The following ALDH1L2 variants were observed in gnomAD, a reference collection of about 807,000 sequenced individuals.
ALDH1L2 encodes aldehyde dehydrogenase 1 family member L2.
A neutral mutation model predicts 111.0 loss-of-function variants in ALDH1L2; 91 were observed. The ratio of observed to expected loss-of-function variants is 0.82; its 90% confidence interval spans 0.69 to 0.98. The LOEUF (loss-of-function observed/expected upper bound fraction) is 0.98, where lower values mean the gene tolerates loss of function less well. Among genes scored for constraint, ALDH1L2 ranks in the 50% least tolerant of loss-of-function variants. The pLI is 0.00. For synonymous variants in ALDH1L2, 374 were observed against 392.6 expected (o/e 0.95, Z 0.56); for missense variants, 995 against 1,126.8 (o/e 0.88, Z 1.67).
At chr12:105,063,532 G>A (rs1877142739) in intron 6 of ALDH1L2, among the ~76,000 whole-genome samples, 1 of 152,186 alleles carries the variant, frequency 6.6e-6, no homozygotes, top group East Asian at 1.9e-4. Flanking sequence ...AATAGTCTGT[G>A]AATATGTCAC....
At chr12:105,042,388 T>C (rs11112332) in intron 15 of ALDH1L2, among the ~76,000 whole-genome samples, 56,062 of 152,050 alleles carry the variant, frequency 0.37, 10,593 homozygotes, top group South Asian at 0.53. Flanking sequence ...AATTAGAGTT[T>C]AATATGTATT....
In ALDH1L2 at chr12:105,030,683, T is replaced by A. The variant is rs79943730; in HGVS notation, c.2411-254A>T. Among the ~76,000 whole-genome samples the A allele has an allele frequency of 5.3e-3, 802 of 152,296 alleles. 24 individuals are homozygous for A. In the East Asian group the frequency reaches 0.093, roughly 18 times the overall value. On this transcript the variant is annotated intron_variant, in intron 20 of 22. Coordinates refer to ENST00000258494, the MANE Select transcript of ALDH1L2 (RefSeq NM_001034173.4). Reference sequence around the variant, plus strand: ...GGTAAAATAAATATCCATATTTTGCTGTATTTATCTTTTCCTCATTGAAAT... The same window carrying A: ...GGTAAAATAAATATCCATATTTTGCAGTATTTATCTTTTCCTCATTGAAAT...
chr12:105,083,056 GC>G (rs1291411431), intron 1 of ALDH1L2, among the ~76,000 whole-genome samples: 3 of 152,170 alleles, frequency 2.0e-5, no homozygotes. Context: ...TATGCCATTT[GC>G]CACCTGAGAT....
chr12:105,083,728 G>A (rs1452446507), intron 1 of ALDH1L2, among the ~76,000 whole-genome samples: 1 of 152,136 alleles, frequency 6.6e-6, no homozygotes, highest in African/African-American at 2.4e-5. Context: ...ATTTCTGGAG[G>A]AGCTGATGCA....
At chr12:105,047,282 T>G (rs771501666) in intron 13 of ALDH1L2, among the ~76,000 whole-genome samples, 2 of 152,182 alleles carry the variant, frequency 1.3e-5, no homozygotes, top group Non-Finnish European at 2.9e-5. Flanking sequence ...ATATTAATAA[T>G]GGGGACAGGA....
At chr12:105,027,167 G>A (rs952112806) in intron 21 of ALDH1L2, among the ~76,000 whole-genome samples, 6 of 152,176 alleles carry the variant, frequency 3.9e-5, no homozygotes, top group East Asian at 1.9e-4. Context: ...GAGCCACTGC[G>A]CCCAGCCTGA....
chr12:105,042,726 A>G (rs1875616404), intron 15 of ALDH1L2, among the ~76,000 whole-genome samples: 1 of 152,166 alleles, frequency 6.6e-6, no homozygotes, highest in Non-Finnish European at 1.5e-5. Flanking sequence ...AGATAATTTC[A>G]TTAGTCTCTA....
intron 4 of ALDH1L2, 60 bp downstream of exon 4, chr12:105,068,659 G>A: frequency 7.6e-7 from 1 of 1,320,174 alleles, no homozygotes; most frequent in Non-Finnish European, 9.8e-7. Flanking sequence ...CTTCATAAAA[G>A]AAAAAATATT....
chr12:105,031,980 AATG>A, intron 19 of ALDH1L2, 46 bp from the exon 20 acceptor site: 1 of 1,591,812 alleles, frequency 6.3e-7, no homozygotes, highest in Non-Finnish European at 8.6e-7. Context: ...TGTTAATAAT[AATG>A]GAGTTTCTAC....
At position 105,022,505 on chromosome 12, in the gene ALDH1L2, A is replaced by G. The variant is rs2136040318; in HGVS notation, c.*1919T>C. The G allele has an allele frequency of 6.6e-6, 1 of 152,376 alleles. No individual in the cohort carries two copies. The highest frequency in any genetic ancestry group is 2.1e-4 in the South Asian group (1 of 4,830). The allele number at this position is 152,376 out of a possible 1,614,324, so 9.4% of individuals were successfully genotyped here. ...CATGTTTTTGTCTGCCATTCCATCT[A>G]TCATTAAAATAATTTGATTAAATCA... On this transcript the variant is annotated 3_prime_UTR_variant, in exon 23 of 23. Coordinates refer to ENST00000258494, the MANE Select transcript of ALDH1L2 (RefSeq NM_001034173.4).
chr12:105,046,881 G>A lies in ALDH1L2; in HGVS notation c.1757+18C>T. On this transcript the variant is annotated intron_variant, in intron 14 of 22. Transcript: ENST00000258494. ...AACACAACTCATGATTCACTCAGAG[G>A]CACTCTCCTTATCTTACCCGAGTGG... is the stretch of plus-strand genomic sequence containing the variant. 2 of 1,613,610 alleles carry A rather than the reference G, an allele frequency of 1.2e-6. No homozygotes were observed. Among genetic ancestry groups the A allele is most frequent in the Non-Finnish European group, 1.7e-6 (2 of 1,179,582 alleles).
intron 4 of ALDH1L2, among the ~76,000 whole-genome samples, chr12:105,068,171 GA>G (rs1253401657): frequency 6.6e-6 from 1 of 151,340 alleles, no homozygotes; most frequent in African/African-American, 2.4e-5. Flanking sequence ...TACTAGCTCT[GA>G]AAAAAAATTA....
intron 7 of ALDH1L2, 111 bp from the exon 8 acceptor site, chr12:105,061,863 G>A: frequency 7.8e-7 from 1 of 1,274,950 alleles, no homozygotes; most frequent in Admixed American, 2.1e-5. Context: ...AAGTTTATTT[G>A]GAAAAATACA....
intron 20 of ALDH1L2, 59 bp from the exon 21 acceptor site, chr12:105,030,488 A>G: frequency 2.1e-6 from 3 of 1,407,364 alleles, no homozygotes; most frequent in Non-Finnish European, 3.0e-6. Flanking sequence ...TTCAATTAAT[A>G]GTCCTCTCAC....
chr12:105,025,790 G>A (rs893962774), intron 22 of ALDH1L2, among the ~76,000 whole-genome samples: 3 of 152,172 alleles, frequency 2.0e-5, no homozygotes, highest in East Asian at 1.9e-4. Context: ...CAGCCAGACC[G>A]CCTGCCTTTG....
At position 105,049,983 on chromosome 12, in the gene ALDH1L2, G is replaced by A. The variant is rs1227810819; in HGVS notation, c.1611C>T (p.Thr537=). ...TTCCAATGTGTGTCTTCAGGGCCAAGGTATAGACAGCCCCTGAATCAAGGG... is the reference window on the plus strand; with the variant it reads ...TTCCAATGTGTGTCTTCAGGGCCAAAGTATAGACAGCCCCTGAATCAAGGG... ...IEALDSGAVY[T]LALKTHIGMS... The change falls in exon 13 of 23, where the codon ACC becomes ACT. Residue 537 remains threonine, a synonymous_variant. Transcript: ENST00000258494. The A allele has an allele frequency of 1.2e-6, 2 of 1,612,792 alleles. No homozygotes were observed. The highest frequency in any genetic ancestry group is 1.3e-5 in the African/African-American group (1 of 74,864).
chr12:105,084,361 C>T (rs1878489101), intron 1 of ALDH1L2, 28 bp downstream of exon 1: 1 of 1,505,856 alleles, frequency 6.6e-7, no homozygotes. Flanking sequence ...AGGGTGACAG[C>T]CGGGACGCTC....
chr12:105,068,428 A>G (rs985173688), intron 4 of ALDH1L2, among the ~76,000 whole-genome samples: 7 of 152,160 alleles, frequency 4.6e-5, no homozygotes, highest in African/African-American at 1.4e-4. Context: ...ATTAATCATT[A>G]TAGGCAGGGT....
At chr12:105,038,256 TCTCTCACACA>T (rs1248431827) in intron 17 of ALDH1L2, 54 bp from the exon 18 acceptor site, 3 of 760,710 alleles carry the variant, frequency 3.9e-6, no homozygotes, top group East Asian at 3.0e-5. Context: ...TCTCTCTCTC[TCTCTCACACA>T]CACACACACA....
Sources: gnomAD v4.1 joint callset for allele counts (sites outside exome capture counted in the v4.1 genomes callset) on GRCh38, gnomAD v4.1.1 for gene constraint, MANE v1.5 for transcripts, NCBI Gene and HGNC (gene_info 2026-07-23, HGNC 2026-07-21) for gene names.